Variants in IMPG2 observed in about 807,000 individuals in gnomAD.
IMPG2 encodes interphotoreceptor matrix proteoglycan 2, also known as IPM 200.
Under a neutral mutation model 129.2 loss-of-function variants are expected in IMPG2, and 91 were observed. The ratio of observed to expected loss-of-function variants is 0.70; its 90% confidence interval spans 0.59 to 0.84. IMPG2 has a LOEUF of 0.84. Among genes scored for constraint, IMPG2 ranks in the 40% least tolerant of loss-of-function variants. The pLI, the probability that IMPG2 is intolerant of heterozygous loss-of-function variation, is 0.00. For missense variants in IMPG2, 1,430 were observed against 1,461.7 expected, an observed-to-expected ratio of 0.98 and a Z score of 0.35; for synonymous variants, 510 against 517.7, an observed-to-expected ratio of 0.99 and a Z score of 0.20.
At chr3:101,233,042 G>C in intron 14 of IMPG2, 51 bp from the exon 15 acceptor site, 1 of 1,540,036 alleles carries the variant, frequency 6.5e-7, no homozygotes, top group Non-Finnish European at 9.0e-7. Flanking sequence ...CACAGAAACT[G>C]GGGTATACAA....
chr3:101,256,924 C>G (rs1475951975), intron 10 of IMPG2, among the ~76,000 whole-genome samples: 4 of 151,950 alleles, frequency 2.6e-5, no homozygotes, highest in Non-Finnish European at 5.9e-5. Context: ...GTTTTAAGTC[C>G]CAGGTTGACT....
intron 4 of IMPG2, among the ~76,000 whole-genome samples, chr3:101,288,464 TG>T (rs1706970164): frequency 6.6e-6 from 1 of 152,164 alleles, no homozygotes; most frequent in South Asian, 2.1e-4. Context: ...TGCCCATCAA[TG>T]GTGGATTGGA....
chr3:101,308,449 G>C (rs183243231), intron 2 of IMPG2, among the ~76,000 whole-genome samples: 20 of 152,380 alleles, frequency 1.3e-4, no homozygotes, highest in Admixed American at 1.2e-3. Flanking sequence ...TGCACCTGCA[G>C]GCCCAACACC....
chr3:101,236,912 G>T (rs912892352), intron 14 of IMPG2, among the ~76,000 whole-genome samples: 1 of 152,152 alleles, frequency 6.6e-6, no homozygotes, highest in Non-Finnish European at 1.5e-5. Flanking sequence ...GGAGCCAAGT[G>T]GTCTAGCTCA....
chr3:101,306,174 ATTATC>A (rs563876904), intron 2 of IMPG2, among the ~76,000 whole-genome samples: 1 of 152,188 alleles, frequency 6.6e-6, no homozygotes, highest in African/African-American at 2.4e-5. Context: ...TTACTGCCTT[ATTATC>A]TTATCTGTGA....
At chr3:101,304,454 G>T in intron 2 of IMPG2, 142 bp from the exon 3 acceptor site, 1 of 742,190 alleles carries the variant, frequency 1.3e-6, no homozygotes. Flanking sequence ...TCAGTCAAAG[G>T]CCTTCTGTAT....
chr3:101,317,115 T>C (rs1436676323), intron 2 of IMPG2, among the ~76,000 whole-genome samples: 3 of 151,362 alleles, frequency 2.0e-5, no homozygotes, highest in South Asian at 2.1e-4. Flanking sequence ...TAAATGGTCA[T>C]GAAGAAATGT....
intron 2 of IMPG2, among the ~76,000 whole-genome samples, chr3:101,317,283 TA>T (rs939629806): frequency 2.6e-5 from 4 of 152,248 alleles, no homozygotes; most frequent in East Asian, 1.9e-4. Context: ...CAACAACGAA[TA>T]TTTTTTTTAA....
chr3:101,297,987 T>A (rs895656054), intron 3 of IMPG2, among the ~76,000 whole-genome samples: 6 of 152,232 alleles, frequency 3.9e-5, no homozygotes, highest in African/African-American at 1.4e-4. Context: ...CTGTCTAATA[T>A]GACAGTGGAG....
intron 4 of IMPG2, among the ~76,000 whole-genome samples, chr3:101,278,755 T>C (rs1403257347): frequency 1.3e-5 from 2 of 151,932 alleles, no homozygotes; most frequent in Non-Finnish European, 2.9e-5. Context: ...AAAAATTCTA[T>C]CTAAAAAAGT....
intron 15 of IMPG2, among the ~76,000 whole-genome samples, chr3:101,231,518 C>A (rs903118545): frequency 6.6e-6 from 1 of 152,230 alleles, no homozygotes; most frequent in Admixed American, 6.5e-5. Flanking sequence ...CCCAGGCCTC[C>A]AGACGCCCCA....
chr3:101,310,559 CAA>C (rs199570786), intron 2 of IMPG2, among the ~76,000 whole-genome samples: 261 of 126,222 alleles, frequency 2.1e-3, no homozygotes, highest in African/African-American at 8.1e-3. Context: ...GACCCTGTCT[CAA>C]AAAAAAAAAA....
chr3:101,255,234 T>C (rs540870658), intron 10 of IMPG2, among the ~76,000 whole-genome samples: 1 of 152,246 alleles, frequency 6.6e-6, no homozygotes, highest in African/African-American at 2.4e-5. Context: ...AACTCTGAAG[T>C]TGGCCTGACA....
At chr3:101,295,301 T>A (rs1326715251) in intron 3 of IMPG2, among the ~76,000 whole-genome samples, 1 of 152,250 alleles carries the variant, frequency 6.6e-6, no homozygotes, top group Non-Finnish European at 1.5e-5. Flanking sequence ...TGCATATGGC[T>A]AACCAGTTTG....
chr3:101,296,135 G>T (rs953740661), intron 3 of IMPG2, among the ~76,000 whole-genome samples: 1 of 152,174 alleles, frequency 6.6e-6, no homozygotes, highest in African/African-American at 2.4e-5. Context: ...TCCTTGTCTT[G>T]TGCCGGTTTT....
intron 2 of IMPG2, among the ~76,000 whole-genome samples, chr3:101,312,482 C>T (rs1707277998): frequency 6.6e-6 from 1 of 151,840 alleles, no homozygotes; most frequent in African/African-American, 2.4e-5. Context: ...CATTTCAAAC[C>T]TATAAGAATG....
chr3:101,276,757 G>A (rs779829269), intron 4 of IMPG2, 44 bp from the exon 5 acceptor site: 1 of 1,464,240 alleles, frequency 6.8e-7, no homozygotes, highest in Non-Finnish European at 9.6e-7. Flanking sequence ...ACAGACACAT[G>A]AGAGTTTATT....
intron 4 of IMPG2, among the ~76,000 whole-genome samples, chr3:101,285,491 C>A (rs537326617): frequency 6.6e-6 from 1 of 152,302 alleles, no homozygotes; most frequent in East Asian, 1.9e-4. Context: ...AGATTTAGCA[C>A]AAGTTGTTGA....
chr3:101,290,147 A>G (rs934813585), intron 4 of IMPG2, among the ~76,000 whole-genome samples: 1 of 151,956 alleles, frequency 6.6e-6, no homozygotes, highest in Non-Finnish European at 1.5e-5. Context: ...AGATTTACAG[A>G]TCCACTGTCT....
Sources: gnomAD v4.1 joint callset for allele counts (sites outside exome capture counted in the v4.1 genomes callset) on GRCh38, gnomAD v4.1.1 for gene constraint, MANE v1.5 for transcripts, NCBI Gene and HGNC (gene_info 2026-07-23, HGNC 2026-07-21) for gene names.